Variants in GADL1 observed in about 807,000 individuals in gnomAD.
GADL1 encodes the protein GAD like acidic amino acid decarboxylase 1, also known as acidic amino acid decarboxylase GADL1.
A neutral mutation model predicts 69.5 loss-of-function variants in GADL1; 71 were observed. The observed-to-expected ratio is 1.02, with a 90% CI of 0.84 to 1.25. GADL1 has a LOEUF of 1.25. Ranked by LOEUF, GADL1 falls within the 50% of genes most tolerant of loss-of-function variation. GADL1 has a pLI of 0.00. For synonymous variants in GADL1, 254 were observed against 214.4 expected, an observed-to-expected ratio of 1.18 and a Z score of -1.62; for missense variants, 737 against 631.8, an observed-to-expected ratio of 1.17 and a Z score of -1.79.
chr3:30,756,453 CCTT>C (rs773562337), intron 14 of GADL1, among the ~76,000 whole-genome samples: 12 of 152,266 alleles, frequency 7.9e-5, no homozygotes, highest in South Asian at 4.2e-4. Flanking sequence ...TACCAATTAT[CCTT>C]CTACCACTTT....
intron 11 of GADL1, among the ~76,000 whole-genome samples, chr3:30,821,389 A>C (rs890214424): frequency 5.1e-4 from 77 of 152,088 alleles, no homozygotes; most frequent in Admixed American, 1.6e-3. Context: ...AAACTGATAT[A>C]ATGTGTGTCT....
At chr3:30,880,616 C>A (rs1321344801) in intron 1 of GADL1, among the ~76,000 whole-genome samples, 1 of 151,898 alleles carries the variant, frequency 6.6e-6, no homozygotes, top group Admixed American at 6.6e-5. Flanking sequence ...ATAAGTAACC[C>A]AGTCTCAGGT....
intron 12 of GADL1, 108 bp downstream of exon 12, chr3:30,800,781 G>C: frequency 2.3e-6 from 2 of 875,694 alleles, no homozygotes; most frequent in Non-Finnish European, 3.5e-6. Context: ...ACTTTCCTTA[G>C]GTCTTCCTAT....
At chr3:30,885,388 G>A (rs1698689688) in intron 1 of GADL1, among the ~76,000 whole-genome samples, 1 of 152,018 alleles carries the variant, frequency 6.6e-6, no homozygotes. Context: ...ATTCATGCCT[G>A]TATAAGATGA....
At chr3:30,823,476 G>A (rs1351709149) in intron 11 of GADL1, among the ~76,000 whole-genome samples, 1 of 151,982 alleles carries the variant, frequency 6.6e-6, no homozygotes, top group Non-Finnish European at 1.5e-5. Flanking sequence ...CCAGAAAAAT[G>A]TCAAGCATTG....
intron 11 of GADL1, among the ~76,000 whole-genome samples, chr3:30,807,187 A>G (rs139398734): frequency 1.8e-4 from 27 of 152,268 alleles, no homozygotes; most frequent in African/African-American, 6.5e-4. Flanking sequence ...CTCTTCTCGA[A>G]CATTCCAGTA....
chr3:30,863,836 T>A (rs1383815891), intron 1 of GADL1, among the ~76,000 whole-genome samples: 1 of 151,982 alleles, frequency 6.6e-6, no homozygotes, highest in African/African-American at 2.4e-5. Context: ...TCTGATAAAA[T>A]TCTATGGCTC....
At chr3:30,728,556 A>C in intron 14 of GADL1, 141 bp from the exon 15 acceptor site, 7 of 621,584 alleles carry the variant, frequency 1.1e-5, no homozygotes, top group South Asian at 3.9e-5. Context: ...GACACTAATA[A>C]TAATAATAAT....
intron 4 of GADL1, among the ~76,000 whole-genome samples, chr3:30,851,627 T>A (rs952569501): frequency 1.3e-5 from 2 of 151,034 alleles, no homozygotes; most frequent in African/African-American, 4.9e-5. Flanking sequence ...GTCACACCCA[T>A]TCTTGTGGTG....
At chr3:30,871,432 C>T (rs1160810405) in intron 1 of GADL1, among the ~76,000 whole-genome samples, 1 of 151,674 alleles carries the variant, frequency 6.6e-6, no homozygotes, top group Non-Finnish European at 1.5e-5. Context: ...TCCTACAATA[C>T]CATTACTGAA....
intron 1 of GADL1, among the ~76,000 whole-genome samples, chr3:30,865,127 C>A (rs1698380651): frequency 6.6e-6 from 1 of 151,868 alleles, no homozygotes; most frequent in Admixed American, 6.6e-5. Context: ...CATCTGTGGT[C>A]TTTTTCACCA....
chr3:30,866,915 T>G (rs1698412587), intron 1 of GADL1, among the ~76,000 whole-genome samples: 1 of 152,084 alleles, frequency 6.6e-6, no homozygotes, highest in Non-Finnish European at 1.5e-5. Context: ...TGGCTGACTG[T>G]ATATTTACTT....
chr3:30,836,397 TA>T (rs34081672), intron 9 of GADL1, among the ~76,000 whole-genome samples: 269 of 144,750 alleles, frequency 1.9e-3, no homozygotes, highest in Non-Finnish European at 2.9e-3. Context: ...ATTTATTCCT[TA>T]AAAAAAAAAA....
chr3:30,750,564 T>A (rs567647351), intron 14 of GADL1, among the ~76,000 whole-genome samples: 1 of 152,094 alleles, frequency 6.6e-6, no homozygotes, highest in East Asian at 1.9e-4. Flanking sequence ...AGAGTACCAG[T>A]TGATGTTTCC....
intron 14 of GADL1, among the ~76,000 whole-genome samples, chr3:30,768,985 CTA>C (rs1419355117): frequency 6.6e-6 from 1 of 152,098 alleles, no homozygotes; most frequent in African/African-American, 2.4e-5. Context: ...GCCCAGGGGT[CTA>C]TTCTTTGTTT....
intron 14 of GADL1, among the ~76,000 whole-genome samples, chr3:30,767,878 G>GA (rs1243194768): frequency 6.6e-6 from 1 of 151,644 alleles, no homozygotes; most frequent in East Asian, 1.9e-4. Flanking sequence ...AATTTATAAG[G>GA]AAAAACATCA....
At chr3:30,759,722 C>T (rs1239858511) in intron 14 of GADL1, among the ~76,000 whole-genome samples, 2 of 152,184 alleles carry the variant, frequency 1.3e-5, no homozygotes, top group East Asian at 3.8e-4. Context: ...TACTTCACTT[C>T]CTTAGAAGTA....
At chr3:30,766,935 A>G (rs1453170602) in intron 14 of GADL1, among the ~76,000 whole-genome samples, 1 of 152,198 alleles carries the variant, frequency 6.6e-6, no homozygotes, top group African/African-American at 2.4e-5. Context: ...AGCAAACAAA[A>G]AGGCATGGAG....
At chr3:30,855,607 T>G (rs1002049910) in intron 3 of GADL1, among the ~76,000 whole-genome samples, 1 of 147,470 alleles carries the variant, frequency 6.8e-6, no homozygotes, top group East Asian at 2.6e-4. Context: ...CCAATTTTAA[T>G]TTTTTTCCCC....
Sources: gnomAD v4.1 joint callset for allele counts (sites outside exome capture counted in the v4.1 genomes callset) on GRCh38, gnomAD v4.1.1 for gene constraint, MANE v1.5 for transcripts, NCBI Gene and HGNC (gene_info 2026-07-23, HGNC 2026-07-21) for gene names.